The following UNC13C variants were observed in gnomAD, a reference collection of about 807,000 sequenced individuals.
UNC13C encodes the protein unc-13 homolog C, also known as protein unc-13 homolog C.
UNC13C carries 174 observed loss-of-function variants against 245.4 expected under a neutral mutation model. The ratio of observed to expected loss-of-function variants is 0.71; its 90% CI spans 0.63 to 0.80. The LOEUF is 0.80. Among genes scored for constraint, UNC13C ranks in the 30% least tolerant of loss-of-function variants. The pLI is 0.00. For synonymous variants in UNC13C, 992 were observed against 895.1 expected, an observed-to-expected ratio of 1.11 and a Z score of -1.93; for missense variants, 2,829 against 2,602.9, an observed-to-expected ratio of 1.09 and a Z score of -1.89.
At chr15:54,425,646 GAACA>G (rs2040744585) in intron 19 of UNC13C, among the ~76,000 whole-genome samples, 1 of 151,794 alleles carries the variant, frequency 6.6e-6, no homozygotes, top group African/African-American at 2.4e-5. Context: ...GCGTTCTATG[GAACA>G]CTAAGTTAAA....
Position 54,627,234 on chromosome 15 carries a change from T to TACAAGGTATGTAA in UNC13C, c.*123_*135dup. The TACAAGGTATGTAA allele has an allele frequency of 3.8e-6, 4 of 1,062,028 alleles. No individual in the cohort carries two copies. In the East Asian group the frequency reaches 7.9e-5, roughly 21 times the overall value. 65.8% of individuals were successfully genotyped at this position (1,062,028 alleles called of 1,614,324 possible). A position where few individuals can be genotyped will look rare whatever the true frequency, so the allele number is the denominator to read the frequency against. On this transcript the variant is annotated 3_prime_UTR_variant, in exon 33 of 33. Coordinates refer to ENST00000260323, the MANE Select transcript of UNC13C (RefSeq NM_001080534.3). Reference sequence around the variant, plus strand: ...TTTGCCAGTACTCATGTACGATGTCTACAAGGTATGTAAAAAACCTGCTGA... The same window carrying TACAAGGTATGTAA: ...TTTGCCAGTACTCATGTACGATGTCTACAAGGTATGTAAACAAGGTATGTAAAAAACCTGCTGA...
chr15:54,575,012 A>C (rs1271491666), intron 30 of UNC13C, among the ~76,000 whole-genome samples: 1 of 152,046 alleles, frequency 6.6e-6, no homozygotes, highest in Non-Finnish European at 1.5e-5. Context: ...TTATAATTTA[A>C]GTGGAAGAAA....
chr15:53,923,276 A>G, the UNC13C span, among the ~76,000 whole-genome samples: 1 of 152,252 alleles, frequency 6.6e-6, no homozygotes, highest in South Asian at 2.1e-4. Flanking sequence ...GATGTATACA[A>G]GACTGACGTA....
intron 26 of UNC13C, among the ~76,000 whole-genome samples, chr15:54,545,573 C>T (rs1471510563): frequency 6.6e-6 from 1 of 152,040 alleles, no homozygotes; most frequent in African/African-American, 2.4e-5. Flanking sequence ...CTACAAGGAA[C>T]TTAAATCTTA....
At chr15:54,592,371 C>T (rs1898837873) in intron 30 of UNC13C, among the ~76,000 whole-genome samples, 1 of 152,096 alleles carries the variant, frequency 6.6e-6, no homozygotes, top group African/African-American at 2.4e-5. Flanking sequence ...TCTTGATGAC[C>T]TGTCTAGTGC....
At chr15:54,414,651 A>G (rs1339787730) in intron 18 of UNC13C, among the ~76,000 whole-genome samples, 1 of 152,072 alleles carries the variant, frequency 6.6e-6, no homozygotes, top group Non-Finnish European at 1.5e-5. Context: ...GTCTCAAAAA[A>G]AAAAGAAGAA....
chr15:53,938,401 C>T, the UNC13C span, among the ~76,000 whole-genome samples: 20 of 152,098 alleles, frequency 1.3e-4, no homozygotes, highest in African/African-American at 4.8e-4. Flanking sequence ...TGCAAAGAGA[C>T]TTAGACTCCC....
intron 21 of UNC13C, 117 bp downstream of exon 21, chr15:54,500,292 C>A (rs1894144923): frequency 1.3e-6 from 1 of 765,474 alleles, no homozygotes; most frequent in Non-Finnish European, 2.1e-6. Context: ...CCCCAGTGAC[C>A]AAAATTAATT....
chr15:54,552,004 T>G (rs1181732804), intron 28 of UNC13C, among the ~76,000 whole-genome samples: 1 of 151,270 alleles, frequency 6.6e-6, no homozygotes, highest in Admixed American at 6.6e-5. Flanking sequence ...GCTGAAAAGG[T>G]GCTATTTGAA....
chr15:53,957,972 T>G, the UNC13C span, among the ~76,000 whole-genome samples: 3 of 152,180 alleles, frequency 2.0e-5, no homozygotes, highest in African/African-American at 7.2e-5. Context: ...GTTTGTTTTT[T>G]GTTTTTTTGT....
chr15:54,120,868 G>A (rs2030618801), intron 2 of UNC13C, among the ~76,000 whole-genome samples: 1 of 152,092 alleles, frequency 6.6e-6, no homozygotes, highest in Non-Finnish European at 1.5e-5. Flanking sequence ...TAGATATGAA[G>A]CCTGAAAGTG....
intron 19 of UNC13C, among the ~76,000 whole-genome samples, chr15:54,466,203 G>C (rs142389672): frequency 0.011 from 1,621 of 152,018 alleles, 15 homozygotes; most frequent in Non-Finnish European, 0.017. Context: ...GGGAAAGAGA[G>C]GTTGGTTAAT....
intron 19 of UNC13C, among the ~76,000 whole-genome samples, chr15:54,492,388 G>C (rs1233877880): frequency 6.6e-6 from 1 of 151,924 alleles, no homozygotes; most frequent in African/African-American, 2.4e-5. Context: ...CTAAAATTTA[G>C]TTAAACCTCA....
chr15:53,926,818 A>C, the UNC13C span, among the ~76,000 whole-genome samples: 1 of 152,298 alleles, frequency 6.6e-6, no homozygotes, highest in South Asian at 2.1e-4. Flanking sequence ...TCCAGAGAGA[A>C]GGGCATGGGG....
intron 30 of UNC13C, among the ~76,000 whole-genome samples, chr15:54,589,328 T>C (rs2141251885): frequency 8.1e-6 from 1 of 123,702 alleles, no homozygotes; most frequent in South Asian, 3.0e-4. Flanking sequence ...AGACTGAGTC[T>C]CACTCTGTCA....
At chr15:53,854,634 A>G in the UNC13C span, among the ~76,000 whole-genome samples, 1 of 152,074 alleles carries the variant, frequency 6.6e-6, no homozygotes, top group African/African-American at 2.4e-5. Flanking sequence ...TGAGTTCTCT[A>G]TTCTGTTCCA....
At chr15:54,235,623 C>T (rs12442104) in intron 5 of UNC13C, among the ~76,000 whole-genome samples, 7,159 of 152,112 alleles carry the variant, frequency 0.047, 364 homozygotes, top group East Asian at 0.27. Context: ...GAGGCCGAGG[C>T]GGGCGGATCA....
At chr15:53,976,457 TTCTCTC>T (rs148861102), upstream of UNC13C, among the ~76,000 whole-genome samples, 6 of 101,008 alleles carry the variant, frequency 5.9e-5, no homozygotes, top group African/African-American at 1.7e-4. Context: ...TTTTTCTTCT[TTCTCTC>T]TCTCTCTCTC....
chr15:54,445,592 T>G (rs1056335111), intron 19 of UNC13C, among the ~76,000 whole-genome samples: 16 of 152,254 alleles, frequency 1.1e-4, no homozygotes, highest in Non-Finnish European at 2.2e-4. Context: ...CATAAATGTC[T>G]TCTTTTGAGA....
Sources: gnomAD v4.1 joint callset for allele counts (sites outside exome capture counted in the v4.1 genomes callset) on GRCh38, gnomAD v4.1.1 for gene constraint, MANE v1.5 for transcripts, NCBI Gene and HGNC (gene_info 2026-07-23, HGNC 2026-07-21) for gene names.